Variants in AHRR observed in about 807,000 individuals in gnomAD.
The protein encoded by AHRR is aryl hydrocarbon receptor repressor, also known as ahR repressor.
A neutral mutation model predicts 44.0 loss-of-function variants in AHRR; 28 were observed. The observed-to-expected ratio is 0.64, with a 90% CI of 0.47 to 0.87. The LOEUF is 0.87. Among genes scored for constraint, AHRR ranks in the 40% least tolerant of loss-of-function variants. AHRR has a pLI of 0.00. For synonymous variants in AHRR, 434 were observed against 407.0 expected, an observed-to-expected ratio of 1.07 and a Z score of -0.80; for missense variants, 990 against 953.9, an observed-to-expected ratio of 1.04 and a Z score of -0.50.
chr5:432,064 G>A (rs760949902), intron 8 of AHRR: 20 of 236,544 alleles, frequency 8.5e-5, no homozygotes, highest in Non-Finnish European at 9.1e-5. Flanking sequence ...CACATGTCCC[G>A]TGTGAGTTGG....
At chr5:426,235 T>G (rs983576907) in intron 7 of AHRR, among the ~76,000 whole-genome samples, 1 of 152,212 alleles carries the variant, frequency 6.6e-6, no homozygotes, top group African/African-American at 2.4e-5. Context: ...AATGGATGGT[T>G]GGATAGATGG....
At chr5:365,803 G>C (rs1375951724) in intron 3 of AHRR, among the ~76,000 whole-genome samples, 1 of 152,078 alleles carries the variant, frequency 6.6e-6, no homozygotes, top group Non-Finnish European at 1.5e-5. Flanking sequence ...TATTAAAACT[G>C]ACTCAAGAAG....
At chr5:339,215 A>G (rs2126348288) in intron 1 of AHRR, among the ~76,000 whole-genome samples, 1 of 152,306 alleles carries the variant, frequency 6.6e-6, no homozygotes, top group East Asian at 1.9e-4. Context: ...CCTGGGCTCA[A>G]GTGATCCTCC....
In AHRR at chr5:326,747, T is replaced by C. The variant is rs1741725516; in HGVS notation, c.-11+4928T>C. Among the ~76,000 whole-genome samples, 1 of 152,058 alleles carries C rather than the reference T, an allele frequency of 6.6e-6. No individual in the cohort carries two copies. The highest frequency in any genetic ancestry group is 2.4e-5 in the African/African-American group (1 of 41,400). ...AATTTCTCCATAGCCCCACTGACCC[T>C]TGTTATGTTCCATTAAAAAAAATGA... is the stretch of plus-strand genomic sequence containing the variant. On this transcript the variant is annotated intron_variant, in intron 1 of 10. Coordinates refer to ENST00000684583, the MANE Select transcript of AHRR (RefSeq NM_001377236.1). This position sits in a 1 kb window ranked among gnomAD's most constrained non-coding sequence, Gnocchi z 4.1.
At chr5:344,001 C>G (rs1742468110) in intron 2 of AHRR, 37 bp downstream of exon 2, 6 of 1,578,084 alleles carry the variant, frequency 3.8e-6, no homozygotes, top group Non-Finnish European at 5.2e-6. Flanking sequence ...TGGGTTGTTG[C>G]ACCCATGGAA....
In AHRR at chr5:370,190, C is replaced by T. The variant is rs1245112507; in HGVS notation, c.245-6420C>T. Among the ~76,000 whole-genome samples, 1 of 66,944 alleles carries T rather than the reference C, an allele frequency of 1.5e-5. No homozygotes were observed. Among genetic ancestry groups the T allele is most frequent in the East Asian group, 3.1e-4 (1 of 3,248 alleles). The allele number at this position is 66,944 out of a possible 152,430, so 43.9% of individuals were successfully genotyped here. ...TGGAAGCCCCGTCCTCCCGGGCCCT[C>T]GCTGGTGCCCCGTCCTCCCGGGCCC... On this transcript the variant is annotated intron_variant, in intron 3 of 10. Coordinates refer to ENST00000684583, the MANE Select transcript of AHRR (RefSeq NM_001377236.1). The surrounding 1 kb of genome is among the most constrained non-coding windows in gnomAD (Gnocchi z 4.5).
Position 404,729 on chromosome 5 carries a change from C to T in AHRR, c.352-8615C>T, listed in dbSNP as rs1735186512. ...TAAAACTAAAGTCCCTAAGAATCCT[C>T]CAAGAAAGATTTCTTCCAGCTGGTG... On this transcript the variant is annotated intron_variant, in intron 4 of 10. Transcript: ENST00000684583. This position sits in a 1 kb window ranked among gnomAD's most constrained non-coding sequence, Gnocchi z 4.1. Among the ~76,000 whole-genome samples the T allele has an allele frequency of 1.3e-5, 2 of 152,158 alleles. No homozygotes were observed. The highest frequency in any genetic ancestry group is 6.5e-5 in the Admixed American group (1 of 15,280).
chr5:421,262 C>T, intron 5 of AHRR: 2 of 697,848 alleles, frequency 2.9e-6, no homozygotes, highest in Non-Finnish European at 5.2e-6. Flanking sequence ...GGAGCGGATG[C>T]CGTGTGCAGG....
intron 4 of AHRR, among the ~76,000 whole-genome samples, chr5:385,620 C>G (rs151022406): frequency 2.3e-4 from 35 of 152,238 alleles, no homozygotes; most frequent in African/African-American, 8.4e-4. Context: ...TTATTGTTCC[C>G]TGTGTGTTAT....
chr5:375,003 G>A (rs937638606), intron 3 of AHRR, among the ~76,000 whole-genome samples: 4 of 152,140 alleles, frequency 2.6e-5, no homozygotes, highest in Non-Finnish European at 5.9e-5. Context: ...GGGGTGAGGA[G>A]AGCTCAGAGC....
intron 4 of AHRR, among the ~76,000 whole-genome samples, chr5:378,435 A>T (rs1375229481): frequency 2.0e-5 from 3 of 152,182 alleles, no homozygotes; most frequent in African/African-American, 7.2e-5. Context: ...TTTATTTAAG[A>T]TGCTCCACAC....
rs1042970770 is a variant in AHRR, at chr5:437,938, T to A, written c.*3104T>A. ...ATAGAAAGTGTGGATGTATCACTTC[T>A]CTCTAAAATGTCATTGTTAGCACTA... is the stretch of plus-strand genomic sequence containing the variant. On this transcript the variant is annotated 3_prime_UTR_variant, in exon 11 of 11. Coordinates refer to ENST00000684583, the MANE Select transcript of AHRR (RefSeq NM_001377236.1). 10 of 152,386 alleles carry A rather than the reference T, an allele frequency of 6.6e-5. No individual in the cohort carries two copies. Among genetic ancestry groups the A allele is most frequent in the African/African-American group, 2.4e-4 (10 of 41,460 alleles). The allele number at this position is 152,386 out of a possible 1,614,324, so 9.4% of individuals were successfully genotyped here. A position where few individuals can be genotyped will look rare whatever the true frequency, so the allele number is the denominator to read the frequency against.
chr5:407,325 A>G (rs567421595), intron 4 of AHRR, among the ~76,000 whole-genome samples: 176 of 152,304 alleles, frequency 1.2e-3, no homozygotes, highest in African/African-American at 4.1e-3. Flanking sequence ...TTGTTCAAAT[A>G]CAATTTTTTG....
intron 5 of AHRR, chr5:421,251 C>A: frequency 1.4e-6 from 1 of 696,360 alleles, no homozygotes; most frequent in South Asian, 1.5e-5. Context: ...GGTTCAGCCA[C>A]GGAGCGGATG....
intron 3 of AHRR, 92 bp from the exon 4 acceptor site, chr5:376,518 T>TGTGAATGAATGAGAACCGTGGGGC: frequency 7.3e-7 from 1 of 1,363,832 alleles, no homozygotes; most frequent in Non-Finnish European, 9.9e-7. Flanking sequence ...AACCGTGGGG[T>TGTGAATGAATGAGAACCGTGGGGC]GAACGCGGGG....
intron 10 of AHRR, among the ~76,000 whole-genome samples, chr5:433,473 G>A (rs1736834969): frequency 6.6e-6 from 1 of 152,248 alleles, no homozygotes; most frequent in Admixed American, 6.5e-5. Flanking sequence ...CACAGAAACT[G>A]CTGGACATGG....
At chr5:333,788 T>G (rs899428756) in intron 1 of AHRR, among the ~76,000 whole-genome samples, 2 of 152,190 alleles carry the variant, frequency 1.3e-5, no homozygotes, top group African/African-American at 4.8e-5. Context: ...TTTGATTCCT[T>G]TCTCTTCGTC....
At chr5:408,639 T>C (rs1179324940) in intron 4 of AHRR, among the ~76,000 whole-genome samples, 1 of 152,222 alleles carries the variant, frequency 6.6e-6, no homozygotes, top group Admixed American at 6.5e-5. Flanking sequence ...TATTGGTGTG[T>C]CATTTTCTTT....
chr5:380,535 C>A (rs922361911), intron 4 of AHRR, among the ~76,000 whole-genome samples: 2 of 152,056 alleles, frequency 1.3e-5, no homozygotes, highest in Non-Finnish European at 2.9e-5. Context: ...GCATACATAT[C>A]CTGCATATTT....
Sources: gnomAD v4.1 joint callset for allele counts (sites outside exome capture counted in the v4.1 genomes callset) on GRCh38, gnomAD v4.1.1 for gene constraint, Gnocchi (gnomAD v3.1) non-coding constraint, MANE v1.5 for transcripts, NCBI Gene and HGNC (gene_info 2026-07-23, HGNC 2026-07-21) for gene names.